The following AKAP9 variants were observed in gnomAD, a reference collection of about 807,000 sequenced individuals.
The protein encoded by AKAP9 is A-kinase anchoring protein 9.
AKAP9 carries 311 observed loss-of-function variants against 488.5 expected under a neutral mutation model. The ratio of observed to expected loss-of-function variants is 0.64; its 90% CI spans 0.58 to 0.70. The LOEUF is 0.70. Ranked by LOEUF, AKAP9 falls within the 30% of genes least tolerant of loss-of-function variation. The pLI, the probability that AKAP9 is intolerant of heterozygous loss-of-function variation, is 0.00. For missense variants in AKAP9, 4,215 were observed against 4,374.5 expected (o/e 0.96, Z 1.03); for synonymous variants, 1,462 against 1,483.5 (o/e 0.99, Z 0.33).
chr7:92,047,281 A>G (rs1365765868), intron 21 of AKAP9, among the ~76,000 whole-genome samples: 1 of 151,818 alleles, frequency 6.6e-6, no homozygotes, highest in Non-Finnish European at 1.5e-5. Flanking sequence ...CAGTGGCGCA[A>G]TCTCTGCTTA....
At chr7:92,074,869 A>T (rs1287788719) in intron 28 of AKAP9, among the ~76,000 whole-genome samples, 1 of 152,098 alleles carries the variant, frequency 6.6e-6, no homozygotes, top group Non-Finnish European at 1.5e-5. Context: ...TTAGGGGGTG[A>T]GGGGTACAGG....
chr7:92,063,330 T>C, intron 24 of AKAP9: 1 of 272,016 alleles, frequency 3.7e-6, no homozygotes. Flanking sequence ...ATGTTACCAG[T>C]GATAATCAGT....
rs896004122 is a variant in AKAP9, at chr7:92,110,425, A to G, written c.*266A>G. On this transcript the variant is annotated 3_prime_UTR_variant, in exon 50 of 50. Coordinates refer to ENST00000356239, the MANE Select transcript of AKAP9 (RefSeq NM_005751.5). The stretch of plus-strand genomic sequence containing the variant: ...AAACATTAAATTATAAACCTTGTGT[A>G]TTTATCAAATGGGTGAAAAGATTAA... 4.2e-6 allele frequency: 2 copies of G among 478,012 alleles called. No individual in the cohort carries two copies. Among genetic ancestry groups the G allele is most frequent in the African/African-American group, 3.9e-5 (2 of 51,542 alleles). 29.6% of individuals were successfully genotyped at this position (478,012 alleles called of 1,614,324 possible). A position where few individuals can be genotyped will look rare whatever the true frequency, so the allele number is the denominator to read the frequency against.
chr7:92,022,378 G>T (rs759071325), intron 13 of AKAP9, 26 bp downstream of exon 13: 3 of 1,480,308 alleles, frequency 2.0e-6, no homozygotes, highest in Admixed American at 1.7e-5. Context: ...ATACCACAAT[G>T]TGGTGTTTTT....
chr7:92,105,600 G>A (rs1045334354), intron 46 of AKAP9, 78 bp from the exon 47 acceptor site: 13 of 1,011,702 alleles, frequency 1.3e-5, no homozygotes, highest in Non-Finnish European at 1.7e-5. Flanking sequence ...ATATTTAAAC[G>A]TGTGATGTGA....
chr7:92,016,251 T>C lies in AKAP9; in HGVS notation c.3735T>C (p.Tyr1245=), dbSNP rs1801494472. Reference sequence around the variant, plus strand: ...ATGAAGATCCAGAATTACAAGATTATAGATATGAAGTTCAAGGTAATAAAA... The same window carrying C: ...ATGAAGATCCAGAATTACAAGATTACAGATATGAAGTTCAAGGTAATAAAA... ...SENEDPELQD[Y]RYEVQDFQEN... Residue 1245 remains tyrosine, a synonymous_variant, in exon 11 of 50, where the codon TAT becomes TAC. Transcript: ENST00000356239. The C allele has an allele frequency of 6.4e-7, 1 of 1,550,928 alleles. No individual in the cohort carries two copies. Among genetic ancestry groups the C allele is most frequent in the Non-Finnish European group, 8.9e-7 (1 of 1,125,986 alleles).
At chr7:92,083,771 A>T in intron 33 of AKAP9, 116 bp downstream of exon 33, 1 of 1,090,498 alleles carries the variant, frequency 9.2e-7, no homozygotes, top group Non-Finnish European at 1.3e-6. Context: ...AAGGCACTTG[A>T]TCTTTCTAAG....
chr7:92,052,622 C>T, intron 21 of AKAP9, 104 bp from the exon 22 acceptor site: 1 of 784,948 alleles, frequency 1.3e-6, no homozygotes, highest in East Asian at 2.7e-5. Flanking sequence ...TTTAAAAGAC[C>T]TTACAATTTC....
chr7:91,953,378 GT>G (rs1172567469), intron 1 of AKAP9, among the ~76,000 whole-genome samples: 2 of 152,154 alleles, frequency 1.3e-5, no homozygotes, highest in Non-Finnish European at 1.5e-5. Flanking sequence ...ATTGATAATT[GT>G]AGTGGTTATG....
rs1584494574 is a variant in AKAP9, at chr7:91,940,942, G to A, written c.-158G>A. 3 of 778,024 alleles carry A rather than the reference G, an allele frequency of 3.9e-6. No individual in the cohort carries two copies. The East Asian group carries it at 7.5e-5, about 19-fold the overall frequency. 48.2% of individuals were successfully genotyped at this position (778,024 alleles called of 1,614,324 possible). ...GCGGCTGAGGACGATCCGCCAGTGAGCGCGGAGACTGCTTCCACTTCGGGC... is the reference window on the plus strand; with the variant it reads ...GCGGCTGAGGACGATCCGCCAGTGAACGCGGAGACTGCTTCCACTTCGGGC... On this transcript the variant is annotated 5_prime_UTR_variant, in exon 1 of 50. Transcript: ENST00000356239.
chr7:91,969,374 C>T (rs1342096099), intron 1 of AKAP9, among the ~76,000 whole-genome samples: 1 of 152,082 alleles, frequency 6.6e-6, no homozygotes, highest in African/African-American at 2.4e-5. Flanking sequence ...CTGATGAAAA[C>T]AATACTCTTC....
Position 92,079,766 on chromosome 7 carries a change from A to T in AKAP9, c.7633A>T (p.Lys2545Ter). 1 of 1,614,134 alleles carries T rather than the reference A, an allele frequency of 6.2e-7. No homozygotes were observed. The highest frequency in any genetic ancestry group is 8.5e-7 in the Non-Finnish European group (1 of 1,180,010). Residue 2545 changes from lysine (K) to a stop codon, truncating the protein, a stop_gained, in exon 31 of 50, where the codon AAA becomes TAA. Transcript: ENST00000356239. LOFTEE classifies it high-confidence loss of function. Reference sequence around the variant, plus strand: ...TCAAAAGAAGATTGTAAACCTACAGAAAATAGTTGAAGAAAAAGTGGCTGC... The same window carrying T: ...TCAAAAGAAGATTGTAAACCTACAGTAAATAGTTGAAGAAAAAGTGGCTGC... ...MLQKKIVNLQKIVEEKVAAAL... is the reference protein window; with the variant it reads ...MLQKKIVNLQ
chr7:91,991,171 C>T (rs1162717784), intron 3 of AKAP9, among the ~76,000 whole-genome samples: 1 of 152,202 alleles, frequency 6.6e-6, no homozygotes, highest in East Asian at 1.9e-4. Flanking sequence ...CATTTCGTTA[C>T]ACTGATAGGC....
intron 8 of AKAP9, among the ~76,000 whole-genome samples, chr7:92,006,809 C>A (rs920497329): frequency 6.6e-6 from 1 of 152,062 alleles, no homozygotes; most frequent in Non-Finnish European, 1.5e-5. Flanking sequence ...TTTTTAGATA[C>A]TGATTAATTA....
In AKAP9 at chr7:92,070,184, T is replaced by C; in HGVS notation, c.6485T>C (p.Val2162Ala). ...AGAGAACTGGAGCAGGCGCTTCTTG[T>C]GAGTGCAGATACTTTTCAAAAGGTG... is the stretch of plus-strand genomic sequence containing the variant. ...RVRELEQALLVSADTFQKVED... is the reference protein window; with the variant it reads ...RVRELEQALLASADTFQKVED... Residue 2162 changes from valine (V) to alanine (A), a missense_variant, in exon 27 of 50, where the codon GTG becomes GCG. Physicochemically the swap from Val to Ala is moderately conservative, Grantham distance 64. This residue lies in a region of AKAP9 where 2,361 missense variants were observed against 2,430.0 expected (regional missense o/e 0.97). Coordinates refer to ENST00000356239, the MANE Select transcript of AKAP9 (RefSeq NM_005751.5). 6.2e-6 allele frequency: 10 copies of C among 1,614,066 alleles called. No homozygotes were observed. Among genetic ancestry groups the C allele is most frequent in the Non-Finnish European group, 8.5e-6 (10 of 1,179,964 alleles).
rs779767584 is a variant in AKAP9, at chr7:92,082,510, G to A, written c.8020-12G>A. The A allele has an allele frequency of 2.7e-5, 44 of 1,612,314 alleles. No homozygotes were observed. In the East Asian group the frequency reaches 7.4e-4, roughly 27 times the overall value. On this transcript the variant is annotated splice_polypyrimidine_tract_variant and intron_variant, in intron 31 of 49. Coordinates refer to ENST00000356239, the MANE Select transcript of AKAP9 (RefSeq NM_005751.5). ...TAAATTATGTGTTTCTTGTGTTTCC[G>A]CTGTCATTCAGACAACTACTGAGCT...
In AKAP9 at chr7:92,001,469, C is replaced by G. The variant is rs1799174248; in HGVS notation, c.1552C>G (p.Leu518Val). ...GGAAAAACTCAAGGAAGAACTAGGACTAATTTTAGAAGAAAAGTGTGCTCT... is the reference window on the plus strand; with the variant it reads ...GGAAAAACTCAAGGAAGAACTAGGAGTAATTTTAGAAGAAAAGTGTGCTCT... ...QKEKLKEELG[L>V]ILEEKCALQR... Residue 518 changes from leucine to valine, a missense_variant, in exon 8 of 50, where the codon CTA (leucine) becomes GTA (valine). Physicochemically the swap from Leu to Val is conservative, Grantham distance 32. Coordinates refer to ENST00000356239, the MANE Select transcript of AKAP9 (RefSeq NM_005751.5). The G allele has an allele frequency of 1.2e-6, 2 of 1,613,804 alleles. No homozygotes were observed. The highest frequency in any genetic ancestry group is 1.7e-5 in the Admixed American group (1 of 60,008).
intron 21 of AKAP9, among the ~76,000 whole-genome samples, chr7:92,045,627 G>A (rs1806842490): frequency 6.6e-6 from 1 of 152,132 alleles, no homozygotes. Context: ...TGTTGAAATG[G>A]TTAGAAGAAA....
At chr7:92,069,879 GAGAC>G (rs1007497535) in intron 26 of AKAP9, 147 bp from the exon 27 acceptor site, 1 of 654,522 alleles carries the variant, frequency 1.5e-6, no homozygotes, top group Non-Finnish European at 2.5e-6. Context: ...GTAACATAAT[GAGAC>G]TCCATTTCTT....
Sources: allele counts gnomAD v4.1 joint callset (sites outside exome capture counted in the v4.1 genomes callset), GRCh38; gene constraint gnomAD v4.1.1; regional missense constraint gnomAD v4.1.1; transcripts MANE v1.5; gene names NCBI Gene and HGNC (gene_info 2026-07-23, HGNC 2026-07-21).